The following UNK variants were observed in gnomAD, a reference collection of about 807,000 sequenced individuals.
UNK encodes RING finger protein unkempt homolog.
Under a neutral mutation model 97.6 loss-of-function variants are expected in UNK, and 32 were observed. The ratio of observed to expected loss-of-function variants is 0.33; its 90% CI spans 0.25 to 0.44. UNK has a LOEUF of 0.44. UNK is among the 20% of genes least tolerant of loss of function. The pLI, the probability that UNK is intolerant of heterozygous loss-of-function variation, is 1.00. For missense variants in UNK, 771 were observed against 1,098.4 expected, an observed-to-expected ratio of 0.70 and a Z score of 4.21; for synonymous variants, 441 against 461.2, an observed-to-expected ratio of 0.96 and a Z score of 0.56.
In UNK at chr17:75,784,819, G is replaced by C; in HGVS notation, c.-62G>C. 6.5e-7 allele frequency: 1 copy of C among 1,548,598 alleles called. No homozygotes were observed. The highest frequency in any genetic ancestry group is 1.1e-5 in the South Asian group (1 of 89,566). ...CGCGGCGCAGGCGCACTGGGTCCTCGGCGCGGACCGCGCAGACTGAATAAT... is the reference window on the plus strand; with the variant it reads ...CGCGGCGCAGGCGCACTGGGTCCTCCGCGCGGACCGCGCAGACTGAATAAT... On this transcript the variant is annotated 5_prime_UTR_variant, in exon 1 of 16. Coordinates refer to ENST00000589666, the MANE Select transcript of UNK (RefSeq NM_001080419.3).
intron 13 of UNK, chr17:75,821,165 C>T (rs745496103): frequency 6.4e-6 from 2 of 314,184 alleles, no homozygotes; most frequent in Admixed American, 4.4e-5. Context: ...AATCCTTCCA[C>T]ATCAGCCTCC....
chr17:75,793,159 C>G (rs1008357819), intron 1 of UNK, among the ~76,000 whole-genome samples: 7 of 152,140 alleles, frequency 4.6e-5, no homozygotes, highest in Non-Finnish European at 1.0e-4. Context: ...AGGGAACAAG[C>G]AGATTTTTAG....
At position 75,816,716 on chromosome 17, in the gene UNK, T is replaced by C. The variant is rs2062018815; in HGVS notation, c.962-54T>C. The stretch of plus-strand genomic sequence containing the variant: ...CTTTGGAAGGGACCCAGGAGCATTT[T>C]TGGAGGGACAGAGCTGGCTGGGGCC... On this transcript the variant is annotated intron_variant, in intron 7 of 15. Coordinates refer to ENST00000589666, the MANE Select transcript of UNK (RefSeq NM_001080419.3). This position sits in a 1 kb window ranked among gnomAD's most constrained non-coding sequence, Gnocchi z 4.0. 1 of 1,544,778 alleles carries C rather than the reference T, an allele frequency of 6.5e-7. No individual in the cohort carries two copies. Among genetic ancestry groups the C allele is most frequent in the Non-Finnish European group, 8.7e-7 (1 of 1,149,256 alleles).
rs2062021970 is a variant in UNK at position 75,816,964 on chromosome 17, A to G, written c.1104+52A>G. On this transcript the variant is annotated intron_variant, in intron 8 of 15. Transcript: ENST00000589666. The surrounding 1 kb of genome is among the most constrained non-coding windows in gnomAD (Gnocchi z 4.0). ...GGGCACCATGCCTGACAGAGCCAAT[A>G]CTTGCCTCCTAGGCCCTTTCAGCCT... is the stretch of plus-strand genomic sequence containing the variant. 1 of 1,557,838 alleles carries G rather than the reference A, an allele frequency of 6.4e-7. No homozygotes were observed. The highest frequency in any genetic ancestry group is 1.2e-5 in the South Asian group (1 of 85,738).
chr17:75,786,729 C>T (rs1392135725), intron 1 of UNK, among the ~76,000 whole-genome samples: 3 of 152,074 alleles, frequency 2.0e-5, no homozygotes, highest in Non-Finnish European at 2.9e-5. Context: ...TGCTGGCGGG[C>T]GCCTGTAATC....
chr17:75,821,886 C>A, intron 13 of UNK: 1 of 362,250 alleles, frequency 2.8e-6, no homozygotes, highest in Admixed American at 3.5e-5. Context: ...GCCTTTGGAA[C>A]CACACTCCCT....
At chr17:75,786,594 C>CA (rs1185224894) in intron 1 of UNK, among the ~76,000 whole-genome samples, 1 of 152,204 alleles carries the variant, frequency 6.6e-6, no homozygotes, top group Non-Finnish European at 1.5e-5. Flanking sequence ...TGGTAGCTCT[C>CA]ACGCCTGTAA....
At chr17:75,792,800 T>C (rs2061773465) in intron 1 of UNK, among the ~76,000 whole-genome samples, 1 of 152,218 alleles carries the variant, frequency 6.6e-6, no homozygotes, top group African/African-American at 2.4e-5. Context: ...AAGTGGTGAG[T>C]TTGAGTGCTC....
At chr17:75,788,681 T>A (rs527296746) in intron 1 of UNK, among the ~76,000 whole-genome samples, 50 of 151,878 alleles carry the variant, frequency 3.3e-4, no homozygotes, top group East Asian at 3.1e-3. Context: ...ATTTTTTTTT[T>A]AAATTTATTT....
chr17:75,790,721 A>G (rs951087978), intron 1 of UNK, among the ~76,000 whole-genome samples: 21 of 152,166 alleles, frequency 1.4e-4, no homozygotes, highest in Admixed American at 8.5e-4. Context: ...ACTTGAGGTC[A>G]GGAGTTCGGG....
intron 1 of UNK, among the ~76,000 whole-genome samples, chr17:75,789,439 G>A (rs1184702544): frequency 6.6e-6 from 1 of 151,902 alleles, no homozygotes; most frequent in Non-Finnish European, 1.5e-5. Flanking sequence ...TGGGTTCACG[G>A]CATTCTTCTG....
At chr17:75,810,565 T>G (rs1027365565) in intron 2 of UNK, among the ~76,000 whole-genome samples, 1 of 152,188 alleles carries the variant, frequency 6.6e-6, no homozygotes, top group Non-Finnish European at 1.5e-5. Context: ...CCCTCTTTCT[T>G]TTTTAAAATT....
At chr17:75,811,253 A>G (rs1036761477) in intron 2 of UNK, among the ~76,000 whole-genome samples, 4 of 152,106 alleles carry the variant, frequency 2.6e-5, no homozygotes, top group Non-Finnish European at 5.9e-5. Context: ...ACGCCTGGCC[A>G]TGATTTAAAA....
rs186978723 is a variant in UNK at position 75,816,726 on chromosome 17, A to G, written c.962-44A>G. 1 of 1,562,410 alleles carries G rather than the reference A, an allele frequency of 6.4e-7. No individual in the cohort carries two copies. The highest frequency in any genetic ancestry group is 2.3e-5 in the East Asian group (1 of 44,296). ...GACCCAGGAGCATTTTTGGAGGGAC[A>G]GAGCTGGCTGGGGCCTGCTGACCCC... On this transcript the variant is annotated intron_variant, in intron 7 of 15. Coordinates refer to ENST00000589666, the MANE Select transcript of UNK (RefSeq NM_001080419.3). This position sits in a 1 kb window ranked among gnomAD's most constrained non-coding sequence, Gnocchi z 4.0.
At position 75,785,082 on chromosome 17, in the gene UNK, TC is replaced by T. The variant is rs201240385; in HGVS notation, c.104+105del. ...GGGAGAGCGCGAGGCGGCCTCTTCC[TC>T]CCCCCCTTCCTCCTCCGGCCCGGCC... is the stretch of plus-strand genomic sequence containing the variant. On this transcript the variant is annotated intron_variant, in intron 1 of 15. Coordinates refer to ENST00000589666, the MANE Select transcript of UNK (RefSeq NM_001080419.3). 5,910 of 656,998 alleles carry T rather than the reference TC, an allele frequency of 9.0e-3. 131 individuals carry two copies. The highest frequency in any genetic ancestry group is 0.077 in the African/African-American group (3,433 of 44,836). 40.7% of individuals were successfully genotyped at this position (656,998 alleles called of 1,614,324 possible).
At chr17:75,806,098 G>A (rs1197956876) in intron 1 of UNK, among the ~76,000 whole-genome samples, 7 of 137,628 alleles carry the variant, frequency 5.1e-5, no homozygotes, top group Admixed American at 2.2e-4. Context: ...GCGAGACTCC[G>A]TCTCAAAAAA....
chr17:75,798,173 C>T (rs1218516040), intron 1 of UNK, among the ~76,000 whole-genome samples: 4 of 151,406 alleles, frequency 2.6e-5, no homozygotes, highest in Non-Finnish European at 4.4e-5. Flanking sequence ...CGGGTTCAAG[C>T]GATTCTCCTG....
intron 2 of UNK, 128 bp downstream of exon 2, chr17:75,810,097 C>A (rs940837825): frequency 1.2e-4 from 141 of 1,160,704 alleles, no homozygotes; most frequent in Non-Finnish European, 1.6e-4. Context: ...ATGGCCCGAG[C>A]CTGGACTCAG....
chr17:75,824,502 ATGTG>A lies in UNK; in HGVS notation c.*87_*90del. On this transcript the variant is annotated 3_prime_UTR_variant, in exon 16 of 16. Coordinates refer to ENST00000589666, the MANE Select transcript of UNK (RefSeq NM_001080419.3). This position sits in a 1 kb window ranked among gnomAD's most constrained non-coding sequence, Gnocchi z 4.9. ...TATATATATATGAATATATATATAT[ATGTG>A]TATGTATGTATGTATATGTATATGA... The A allele has an allele frequency of 1.1e-6, 1 of 895,006 alleles. No individual in the cohort carries two copies. Among genetic ancestry groups the A allele is most frequent in the Non-Finnish European group, 1.4e-6 (1 of 701,156 alleles). 55.4% of individuals were successfully genotyped at this position (895,006 alleles called of 1,614,324 possible).
Sources: gnomAD v4.1 joint callset for allele counts (sites outside exome capture counted in the v4.1 genomes callset) on GRCh38, gnomAD v4.1.1 for gene constraint, Gnocchi (gnomAD v3.1) non-coding constraint, MANE v1.5 for transcripts, NCBI Gene and HGNC (gene_info 2026-07-23, HGNC 2026-07-21) for gene names.